The following DOCK2 variants were observed in gnomAD, a reference collection of about 807,000 sequenced individuals.
DOCK2 encodes the protein dedicator of cytokinesis protein 2.
Under a neutral mutation model 248.9 loss-of-function variants are expected in DOCK2, and 87 were observed. The observed-to-expected ratio is 0.35, with a 90% CI of 0.29 to 0.42. The LOEUF (loss-of-function observed/expected upper bound fraction) is 0.42. DOCK2 is among the 10% of genes least tolerant of loss of function. The pLI is 1.00. For missense variants in DOCK2, 1,747 were observed against 2,300.2 expected (o/e 0.76, Z 4.92); for synonymous variants, 805 against 821.6 (o/e 0.98, Z 0.35).
intron 21 of DOCK2, among the ~76,000 whole-genome samples, chr5:169,718,340 GA>G (rs999461091): frequency 1.2e-4 from 18 of 151,600 alleles, no homozygotes; most frequent in African/African-American, 2.7e-4. Context: ...AGAAAAAGTT[GA>G]AAAAAAAGAC....
At chr5:169,888,674 C>T (rs1247022928) in intron 27 of DOCK2, among the ~76,000 whole-genome samples, 1 of 152,206 alleles carries the variant, frequency 6.6e-6, no homozygotes, top group African/African-American at 2.4e-5. Context: ...AGATGAGACT[C>T]TTCCACTTTC....
chr5:169,955,775 C>G (rs1430315273), intron 27 of DOCK2, among the ~76,000 whole-genome samples: 4 of 152,186 alleles, frequency 2.6e-5, no homozygotes, highest in Non-Finnish European at 5.9e-5. Flanking sequence ...AATCCTGCCT[C>G]CCAGGGCTTT....
intron 22 of DOCK2, among the ~76,000 whole-genome samples, chr5:169,733,720 A>AT (rs1224890412): frequency 6.6e-6 from 1 of 152,014 alleles, no homozygotes; most frequent in East Asian, 1.9e-4. Context: ...CTTATAGCTC[A>AT]TTTTTTGTTT....
intron 27 of DOCK2, among the ~76,000 whole-genome samples, chr5:169,932,662 T>TA (rs1775809972): frequency 6.6e-6 from 1 of 152,174 alleles, no homozygotes; most frequent in Non-Finnish European, 1.5e-5. Context: ...TAAACACATG[T>TA]AAGGAGAAAA....
At chr5:169,644,065 G>A (rs1343156985) in intron 1 of DOCK2, among the ~76,000 whole-genome samples, 4 of 152,162 alleles carry the variant, frequency 2.6e-5, no homozygotes, top group African/African-American at 9.7e-5. Flanking sequence ...GGAGGCCAGT[G>A]TGGCTGCAGT....
chr5:169,650,946 C>T (rs1378689189), intron 1 of DOCK2, among the ~76,000 whole-genome samples: 1 of 152,188 alleles, frequency 6.6e-6, no homozygotes, highest in Admixed American at 6.5e-5. Flanking sequence ...TGTGGGTAGG[C>T]TTCCCTGATT....
intron 27 of DOCK2, among the ~76,000 whole-genome samples, chr5:169,950,156 C>T (rs936100829): frequency 1.3e-5 from 2 of 152,080 alleles, no homozygotes; most frequent in Non-Finnish European, 2.9e-5. Flanking sequence ...TGAGATGAGA[C>T]AGGAGCCATC....
intron 41 of DOCK2, among the ~76,000 whole-genome samples, chr5:170,050,682 G>A (rs1172977383): frequency 3.3e-5 from 5 of 152,150 alleles, no homozygotes; most frequent in Admixed American, 1.3e-4. Context: ...AACTGTATAA[G>A]GAAAGACGCT....
rs368843643 is a variant in DOCK2 at position 170,008,707 on chromosome 5, C to T, written c.3193C>T (p.Leu1065=). Residue 1065 remains leucine, a synonymous_variant, in exon 32 of 52, where the codon CTA becomes TTA. Coordinates refer to ENST00000520908, the MANE Select transcript of DOCK2 (RefSeq NM_004946.3). ...ILNKYGDMRR[L]IGFSIRDMWY... ...TCCTAGGTATGGGGACATGAGACGG[C>T]TAATTGGCTTCTCCATCCGTGATAT... 1.9e-6 allele frequency: 3 copies of T among 1,614,054 alleles called. No homozygotes were observed. Among genetic ancestry groups the T allele is most frequent in the Non-Finnish European group, 2.5e-6 (3 of 1,179,970 alleles).
rs79919207 is a variant in DOCK2 at position 169,722,612 on chromosome 5, T to G, written c.2267+3821T>G. Among the ~76,000 whole-genome samples, 39 of 152,302 alleles carry G rather than the reference T, an allele frequency of 2.6e-4. 1 individual carries two copies. In the East Asian group the frequency reaches 7.1e-3, roughly 28 times the overall value. On this transcript the variant is annotated intron_variant, in intron 22 of 51. Coordinates refer to ENST00000520908, the MANE Select transcript of DOCK2 (RefSeq NM_004946.3). ...CTCTGAGCCTCAGCATCCTCATCTA[T>G]AAATGGGGATAAACCAGTTCATTGT...
At chr5:169,757,982 G>A (rs1764281702) in intron 23 of DOCK2, among the ~76,000 whole-genome samples, 1 of 152,148 alleles carries the variant, frequency 6.6e-6, no homozygotes. Flanking sequence ...CTCCTAAAAT[G>A]TATATGTCTA....
intron 26 of DOCK2, among the ~76,000 whole-genome samples, chr5:169,835,034 A>C (rs1009539544): frequency 6.6e-6 from 1 of 152,144 alleles, no homozygotes; most frequent in African/African-American, 2.4e-5. Context: ...ATTTTTCCAA[A>C]TTGCTTTTTT....
chr5:169,977,572 CA>C, intron 27 of DOCK2, among the ~76,000 whole-genome samples: 1 of 152,312 alleles, frequency 6.6e-6, no homozygotes, highest in Admixed American at 6.5e-5. Flanking sequence ...CTCGAGGTCA[CA>C]AAACTAGTAA....
chr5:169,830,129 G>A (rs1303669234), intron 26 of DOCK2, among the ~76,000 whole-genome samples: 9 of 152,230 alleles, frequency 5.9e-5, no homozygotes, highest in African/African-American at 2.2e-4. Flanking sequence ...AGACATGGGA[G>A]CAGATCCAGC....
intron 27 of DOCK2, among the ~76,000 whole-genome samples, chr5:169,912,540 C>T (rs1774656822): frequency 6.6e-6 from 1 of 152,112 alleles, no homozygotes; most frequent in Admixed American, 6.6e-5. Context: ...AATAACTACT[C>T]CAATCCATAA....
At chr5:169,817,930 A>C (rs149700) in intron 26 of DOCK2, among the ~76,000 whole-genome samples, 59,396 of 152,128 alleles carry the variant, frequency 0.39, 13,334 homozygotes, top group African/African-American at 0.62. Flanking sequence ...TTTATTTTTT[A>C]TACTCAGTGG....
chr5:170,027,569 T>C (rs942538036), intron 33 of DOCK2, among the ~76,000 whole-genome samples: 1 of 152,072 alleles, frequency 6.6e-6, no homozygotes, highest in African/African-American at 2.4e-5. Context: ...ATAACATGAG[T>C]TGTGAAAAGT....
rs753265152 is a variant in DOCK2 at position 170,057,606 on chromosome 5, C to T, written c.4407C>T (p.Phe1469=). ...CCATGTGGATTGAGAGAACCTCCTT[C>T]GTGACTGCATACAAGCTGCCGGGGA... ...FASMWIERTS[F]VTAYKLPGIL... is the part of the protein sequence containing the mutation. Residue 1469 remains phenylalanine (F), a synonymous_variant, in exon 44 of 52, where the codon TTC becomes TTT. Transcript: ENST00000520908. The T allele has an allele frequency of 1.2e-6, 2 of 1,614,184 alleles. No individual in the cohort carries two copies. Among genetic ancestry groups the T allele is most frequent in the Non-Finnish European group, 1.7e-6 (2 of 1,180,014 alleles).
At chr5:169,862,586 A>G (rs568844910) in intron 27 of DOCK2, among the ~76,000 whole-genome samples, 23 of 152,356 alleles carry the variant, frequency 1.5e-4, no homozygotes, top group African/African-American at 5.5e-4. Context: ...AAGTGTATTT[A>G]TCTTAATTCT....
Sources: allele counts gnomAD v4.1 joint callset (sites outside exome capture counted in the v4.1 genomes callset), GRCh38; gene constraint gnomAD v4.1.1; transcripts MANE v1.5; gene names NCBI Gene and HGNC (gene_info 2026-07-23, HGNC 2026-07-21).